Variants in RUNX1T1 observed in about 807,000 individuals in gnomAD.
RUNX1T1 encodes the protein RUNX1 partner transcriptional co-repressor 1.
In RUNX1T1, 4 loss-of-function variants were observed where a neutral mutation model predicts 62.8. The ratio of observed to expected loss-of-function variants is 0.06; its 90% CI spans 0.03 to 0.15. The LOEUF (loss-of-function observed/expected upper bound fraction) is 0.15, where lower values mean the gene tolerates loss of function less well. Among genes scored for constraint, RUNX1T1 ranks in the 10% least tolerant of loss-of-function variants. The pLI is 1.00. For synonymous variants in RUNX1T1, 291 were observed against 286.0 expected, an observed-to-expected ratio of 1.02 and a Z score of -0.18; for missense variants, 508 against 754.3, an observed-to-expected ratio of 0.67 and a Z score of 3.82.
intron 5 of RUNX1T1, 129 bp downstream of exon 6, chr8:92,004,987 C>T: frequency 2.6e-6 from 2 of 765,526 alleles, no homozygotes; most frequent in Non-Finnish European, 2.0e-6. Context: ...CTCAAGATGG[C>T]CACAATGGCT....
exon 10 of RUNX1T1, chr8:91,970,780 G>A (rs1352715926): frequency 4.3e-6 from 7 of 1,613,172 alleles, no homozygotes; most frequent in Middle Eastern, 1.6e-4. Flanking sequence ...TGGGCTTTCC[G>A]CTCCGCCTCA....
At chr8:92,032,072 G>A (rs1268263936) in intron 1 of RUNX1T1, among the ~76,000 whole-genome samples, 3 of 141,740 alleles carry the variant, frequency 2.1e-5, no homozygotes, top group Non-Finnish European at 4.5e-5. Flanking sequence ...CAGCCTGGGC[G>A]GCAGAGCGAG....
At chr8:92,066,703 A>C (rs2130674302), upstream of RUNX1T1, among the ~76,000 whole-genome samples, 1 of 152,354 alleles carries the variant, frequency 6.6e-6, no homozygotes, top group East Asian at 1.9e-4. Flanking sequence ...AAGCCATAAT[A>C]GATTGTCCCC....
upstream of RUNX1T1, chr8:92,102,787 G>A (rs1408566593): frequency 4.9e-6 from 7 of 1,418,196 alleles, no homozygotes; most frequent in Non-Finnish European, 6.5e-6. This position sits in a 1 kb window ranked among gnomAD's most constrained non-coding sequence, Gnocchi z 4.5. Context: ...CATCGGAACA[G>A]TAATTAATAA....
intron 8 of RUNX1T1, among the ~76,000 whole-genome samples, chr8:91,983,966 G>A (rs1363680072): frequency 6.6e-6 from 1 of 152,168 alleles, no homozygotes; most frequent in Non-Finnish European, 1.5e-5. Context: ...TTTCTCTAAA[G>A]TTATGATAGT....
At chr8:91,963,136 T>C (rs754127473) in intron 10 of RUNX1T1, among the ~76,000 whole-genome samples, 16 of 152,344 alleles carry the variant, frequency 1.1e-4, no homozygotes, top group Non-Finnish European at 1.9e-4. Flanking sequence ...CAGAAACAGA[T>C]GTTTTGGATC....
At chr8:92,086,545 C>T (rs891805932) in intron 1 of RUNX1T1, among the ~76,000 whole-genome samples, 19 of 152,296 alleles carry the variant, frequency 1.2e-4, no homozygotes, top group African/African-American at 3.8e-4. Context: ...CACTTGACAG[C>T]CCTGTCACCA....
At position 92,072,229 on chromosome 8, in the gene RUNX1T1, T is replaced by C. The variant is rs1460055024; in HGVS notation, c.88+3736A>G. Among the ~76,000 whole-genome samples the C allele has an allele frequency of 2.0e-5, 3 of 152,216 alleles. No individual in the cohort carries two copies. In the East Asian group the frequency reaches 5.8e-4, roughly 29 times the overall value. ...GATTTTGATAGTCCAGTTTACAAAT[T>C]AAACATTTGTTGTGTTACATAATTA... On this transcript the variant is annotated intron_variant, in intron 2 of 11. Transcript: ENST00000265814.
chr8:92,017,432 C>A (rs776415045), intron 1 of RUNX1T1, 69 bp from the exon 3 acceptor site: 4 of 1,611,664 alleles, frequency 2.5e-6, no homozygotes, highest in Admixed American at 3.3e-5. Context: ...TGGGGTTTAT[C>A]TTTTTTAAAA....
At chr8:92,080,630 C>T (rs1213731532) in intron 1 of RUNX1T1, among the ~76,000 whole-genome samples, 1 of 152,238 alleles carries the variant, frequency 6.6e-6, no homozygotes, top group Non-Finnish European at 1.5e-5. Context: ...CACCTTTGGA[C>T]CCTACATTGA....
At chr8:91,960,743 C>A (rs1335240835) in intron 10 of RUNX1T1, among the ~76,000 whole-genome samples, 1 of 152,194 alleles carries the variant, frequency 6.6e-6, no homozygotes, top group African/African-American at 2.4e-5. Flanking sequence ...TGGCATCTGA[C>A]AAAGCAGTTG....
At chr8:92,005,375 A>G in intron 4 of RUNX1T1, 78 bp from the exon 6 acceptor site, 1 of 1,303,398 alleles carries the variant, frequency 7.7e-7, no homozygotes, top group Non-Finnish European at 1.1e-6. Flanking sequence ...CTTTTCGAAC[A>G]CTGGAGAAGA....
intron 4 of RUNX1T1, chr8:92,006,047 A>C (rs1820711105): frequency 6.6e-6 from 1 of 151,582 alleles, no homozygotes; most frequent in African/African-American, 2.4e-5. Context: ...AATCCTGTAT[A>C]CTGGTCACTC....
intron 9 of RUNX1T1, among the ~76,000 whole-genome samples, chr8:91,972,648 G>A (rs1053078738): frequency 2.0e-5 from 3 of 152,054 alleles, no homozygotes; most frequent in Non-Finnish European, 4.4e-5. Context: ...CTAAGTGGTA[G>A]TACAGAACAA....
chr8:92,025,196 C>T (rs968497523), intron 1 of RUNX1T1, among the ~76,000 whole-genome samples: 1 of 152,172 alleles, frequency 6.6e-6, no homozygotes, highest in Admixed American at 6.5e-5. Flanking sequence ...ATTCTCCAAA[C>T]CACATCCAGT....
downstream of RUNX1T1, chr8:91,956,364 C>T (rs1351588855): frequency 4.3e-6 from 1 of 230,776 alleles, no homozygotes; most frequent in African/African-American, 2.2e-5. Flanking sequence ...TAAGCCAACT[C>T]CTGTTACAGA....
chr8:91,966,124 AAT>A (rs919441767), intron 10 of RUNX1T1, among the ~76,000 whole-genome samples: 11 of 147,510 alleles, frequency 7.5e-5, no homozygotes, highest in African/African-American at 2.2e-4. Context: ...ATATTTATAA[AAT>A]ATATATATAT....
intron 2 of RUNX1T1, among the ~76,000 whole-genome samples, chr8:92,072,258 T>C (rs559538596): frequency 7.9e-5 from 12 of 152,340 alleles, no homozygotes; most frequent in African/African-American, 2.6e-4. Context: ...ATAATTAACA[T>C]TGTTATTTTA....
chr8:92,093,280 T>C (rs1837306461), intron 1 of RUNX1T1, among the ~76,000 whole-genome samples: 1 of 152,200 alleles, frequency 6.6e-6, no homozygotes, highest in African/African-American at 2.4e-5. Context: ...TAAATTTCTT[T>C]AACATAAAAA....
Sources: allele counts gnomAD v4.1 joint callset (sites outside exome capture counted in the v4.1 genomes callset), GRCh38; gene constraint gnomAD v4.1.1; non-coding constraint Gnocchi (gnomAD v3.1); transcripts MANE v1.5; gene names NCBI Gene and HGNC (gene_info 2026-07-23, HGNC 2026-07-21).